Variants in CDH12 observed in about 807,000 individuals in gnomAD.
CDH12 encodes the protein cadherin 12, also known as cadherin-12.
A neutral mutation model predicts 74.1 loss-of-function variants in CDH12; 41 were observed. The observed-to-expected ratio is 0.55, with a 90% CI of 0.43 to 0.72. The LOEUF is 0.72. Among genes scored for constraint, CDH12 ranks in the 30% least tolerant of loss-of-function variants. CDH12 has a pLI of 0.00. For missense variants in CDH12, 945 were observed against 977.2 expected (o/e 0.97, Z 0.44); for synonymous variants, 399 against 355.0 (o/e 1.12, Z -1.39).
In CDH12 at chr5:22,687,132, A is replaced by G. The variant is rs184540910; in HGVS notation, c.-523+165926T>C. On this transcript the variant is annotated intron_variant, in intron 1 of 14. Coordinates refer to ENST00000382254, the MANE Select transcript of CDH12 (RefSeq NM_004061.5). Reference sequence around the variant, plus strand: ...AATATGGTGAAACCCCGTCTGTACTAAAAATACAAAAATTAGCTGGGCATG... The same window carrying G: ...AATATGGTGAAACCCCGTCTGTACTGAAAATACAAAAATTAGCTGGGCATG... Among the ~76,000 whole-genome samples the G allele has an allele frequency of 5.3e-5, 8 of 152,134 alleles. No homozygotes were observed. The East Asian group carries it at 1.4e-3, about 26-fold the overall frequency.
At position 21,842,278 on chromosome 5, in the gene CDH12, A is replaced by T; in HGVS notation, c.697T>A (p.Tyr233Asn). The T allele has an allele frequency of 6.2e-7, 1 of 1,612,968 alleles. No individual in the cohort carries two copies. Among genetic ancestry groups the T allele is most frequent in the South Asian group, 1.1e-5 (1 of 90,936 alleles). ...TCCTTGGCTTGGATGAGTACTTGAT[A>T]TTGTTCTTTGACTTCTCTGTCCATG... ...PNMDREVKEQ[Y>N]QVLIQAKDMG... Residue 233 changes from tyrosine to asparagine, a missense_variant, in exon 8 of 15, where the codon TAT becomes AAT. This residue lies in a region of CDH12 where 791 missense variants were observed against 792.8 expected (regional missense o/e 1.00). Transcript: ENST00000382254.
At chr5:22,307,957 T>C (rs1008282552) in intron 3 of CDH12, among the ~76,000 whole-genome samples, 2 of 127,396 alleles carry the variant, frequency 1.6e-5, no homozygotes, top group African/African-American at 5.7e-5. Flanking sequence ...CTCGGCTCAC[T>C]GCAGGCTCTG....
At chr5:22,036,193 A>AT (rs929618890) in intron 5 of CDH12, among the ~76,000 whole-genome samples, 38 of 152,270 alleles carry the variant, frequency 2.5e-4, no homozygotes, top group Non-Finnish European at 2.4e-4. Flanking sequence ...GAACATATCA[A>AT]TTTTTTTAGC....
At chr5:21,917,650 G>A (rs1293738355) in intron 6 of CDH12, among the ~76,000 whole-genome samples, 1 of 152,072 alleles carries the variant, frequency 6.6e-6, no homozygotes, top group African/African-American at 2.4e-5. Flanking sequence ...AATTAGTTTT[G>A]AGAATAGGTA....
At chr5:21,801,104 A>G (rs1747087708) in intron 10 of CDH12, among the ~76,000 whole-genome samples, 1 of 152,172 alleles carries the variant, frequency 6.6e-6, no homozygotes, top group Non-Finnish European at 1.5e-5. Context: ...TAGGTGATGG[A>G]TTCAGATAAA....
At chr5:21,848,615 GTA>G (rs1750304780) in intron 7 of CDH12, among the ~76,000 whole-genome samples, 1 of 151,828 alleles carries the variant, frequency 6.6e-6, no homozygotes, top group Non-Finnish European at 1.5e-5. Flanking sequence ...CATTGCATTT[GTA>G]TATGATTTTT....
At chr5:21,866,404 G>A (rs974840145) in intron 6 of CDH12, among the ~76,000 whole-genome samples, 1 of 152,304 alleles carries the variant, frequency 6.6e-6, no homozygotes, top group South Asian at 2.1e-4. Flanking sequence ...CCAAAACACT[G>A]TTAATGATAT....
chr5:22,219,105 T>C (rs1751923485), intron 3 of CDH12, among the ~76,000 whole-genome samples: 1 of 151,696 alleles, frequency 6.6e-6, no homozygotes, highest in Admixed American at 6.6e-5. Context: ...ACATATATCA[T>C]TGTCCATTTG....
chr5:22,254,567 G>T (rs1753250249), intron 3 of CDH12, among the ~76,000 whole-genome samples: 1 of 151,662 alleles, frequency 6.6e-6, no homozygotes, highest in African/African-American at 2.4e-5. Context: ...TGGGTATCAG[G>T]TTTAATACCT....
At chr5:22,558,652 G>GA (rs565915996) in intron 1 of CDH12, among the ~76,000 whole-genome samples, 2 of 151,696 alleles carry the variant, frequency 1.3e-5, no homozygotes, top group African/African-American at 4.8e-5. Context: ...AAGAGAGGGG[G>GA]AAAAAACCAT....
chr5:22,285,960 C>T (rs1737115448), intron 3 of CDH12, among the ~76,000 whole-genome samples: 1 of 151,906 alleles, frequency 6.6e-6, no homozygotes, highest in Non-Finnish European at 1.5e-5. Context: ...ATATATCTTT[C>T]TTGAAATTAT....
At chr5:22,788,259 G>A (rs1222014189) in intron 1 of CDH12, among the ~76,000 whole-genome samples, 1 of 151,994 alleles carries the variant, frequency 6.6e-6, no homozygotes, top group African/African-American at 2.4e-5. Flanking sequence ...AAAAGCAGTT[G>A]TTACCTTCTA....
At chr5:22,347,488 G>A (rs1254967624) in intron 3 of CDH12, among the ~76,000 whole-genome samples, 1 of 152,080 alleles carries the variant, frequency 6.6e-6, no homozygotes, top group Non-Finnish European at 1.5e-5. Context: ...CCGCACCATC[G>A]GCTTCCCTAC....
chr5:22,668,907 G>GTCTCTCTCTTCTCTCTC (rs1335430996), intron 1 of CDH12, among the ~76,000 whole-genome samples: 8 of 150,058 alleles, frequency 5.3e-5, no homozygotes, highest in Non-Finnish European at 1.2e-4. Context: ...ATCTCTCTTG[G>GTCTCTCTCTTCTCTCTC]TCTCTCTCTT....
chr5:22,132,478 T>C (rs1437841871), intron 4 of CDH12, among the ~76,000 whole-genome samples: 3 of 151,940 alleles, frequency 2.0e-5, no homozygotes, highest in Non-Finnish European at 4.4e-5. Flanking sequence ...TTGGGATGCA[T>C]TGTTTTATTT....
At chr5:22,205,747 C>A (rs1487166895) in intron 4 of CDH12, among the ~76,000 whole-genome samples, 1 of 151,984 alleles carries the variant, frequency 6.6e-6, no homozygotes, top group African/African-American at 2.4e-5. Context: ...TCAGCATTTT[C>A]TGATAAGTTT....
At chr5:21,808,787 T>C (rs909740993) in intron 9 of CDH12, among the ~76,000 whole-genome samples, 3 of 152,108 alleles carry the variant, frequency 2.0e-5, no homozygotes, top group African/African-American at 7.2e-5. Flanking sequence ...CTCATCATCA[T>C]TGACAAAAGG....
At chr5:22,629,338 T>C (rs1738461727) in intron 1 of CDH12, among the ~76,000 whole-genome samples, 1 of 151,966 alleles carries the variant, frequency 6.6e-6, no homozygotes, top group Non-Finnish European at 1.5e-5. Context: ...CCAAAATTCT[T>C]GATGAACATA....
chr5:22,236,312 A>G (rs1752557189), intron 3 of CDH12, among the ~76,000 whole-genome samples: 1 of 152,232 alleles, frequency 6.6e-6, no homozygotes, highest in South Asian at 2.1e-4. Context: ...CTCTTTTGCA[A>G]TAACACTTAG....
Sources: allele counts gnomAD v4.1 joint callset (sites outside exome capture counted in the v4.1 genomes callset), GRCh38; gene constraint gnomAD v4.1.1; regional missense constraint gnomAD v4.1.1; transcripts MANE v1.5; gene names NCBI Gene and HGNC (gene_info 2026-07-23, HGNC 2026-07-21).